SGCD: variants seen among roughly 807,000 people sequenced by gnomAD.
SGCD encodes sarcoglycan delta.
Under a neutral mutation model 36.6 loss-of-function variants are expected in SGCD, and 18 were observed. The ratio of observed to expected loss-of-function variants is 0.49; its 90% CI spans 0.34 to 0.73. SGCD has a LOEUF of 0.73. SGCD is among the 30% of genes least tolerant of loss of function. The pLI is 0.01. For synonymous variants in SGCD, 133 were observed against 130.6 expected, an observed-to-expected ratio of 1.02 and a Z score of -0.12; for missense variants, 387 against 346.7, an observed-to-expected ratio of 1.12 and a Z score of -0.92.
intron 1 of SGCD, among the ~76,000 whole-genome samples, chr5:156,008,919 A>G (rs1022670026): frequency 6.6e-6 from 1 of 152,180 alleles, no homozygotes; most frequent in African/African-American, 2.4e-5. Flanking sequence ...TGTTCAGTCT[A>G]TATTTATACA....
At chr5:156,738,235 T>G (rs556434375) in intron 7 of SGCD, among the ~76,000 whole-genome samples, 1 of 152,314 alleles carries the variant, frequency 6.6e-6, no homozygotes, top group East Asian at 1.9e-4. Context: ...TCTATCTCAC[T>G]TTAGAAAGAA....
At chr5:156,611,242 A>G (rs563459202) in intron 6 of SGCD, among the ~76,000 whole-genome samples, 1 of 152,226 alleles carries the variant, frequency 6.6e-6, no homozygotes, top group East Asian at 1.9e-4. Context: ...GTGTTTCATG[A>G]TAGTTGTTAT....
intron 6 of SGCD, among the ~76,000 whole-genome samples, chr5:156,638,536 C>T (rs73301125): frequency 0.031 from 4,700 of 152,256 alleles, 247 homozygotes; most frequent in African/African-American, 0.11. Context: ...GCTTTGTTTG[C>T]CTATACTATC....
At chr5:156,720,908 T>C (rs540660316) in intron 7 of SGCD, among the ~76,000 whole-genome samples, 3 of 152,212 alleles carry the variant, frequency 2.0e-5, no homozygotes, top group Admixed American at 6.5e-5. Context: ...CCAGGGAAGA[T>C]AGGATGGTGC....
intron 7 of SGCD, among the ~76,000 whole-genome samples, chr5:156,724,330 C>T (rs1452762091): frequency 3.9e-5 from 6 of 152,150 alleles, no homozygotes; most frequent in Admixed American, 1.3e-4. Context: ...GATACCCGGG[C>T]GTGGTGGCTC....
chr5:155,838,286 A>C, the SGCD span, among the ~76,000 whole-genome samples: 1 of 152,178 alleles, frequency 6.6e-6, no homozygotes, highest in Non-Finnish European at 1.5e-5. Flanking sequence ...TTTTAAACAA[A>C]TTAATTTGTT....
At chr5:156,458,518 C>G (rs1754351206) in intron 3 of SGCD, 1 of 1,505,346 alleles carries the variant, frequency 6.6e-7, no homozygotes, top group Non-Finnish European at 9.2e-7. Flanking sequence ...CTACAACAAA[C>G]CAGAATAGAC....
chr5:156,253,835 G>A (rs1417901536), intron 3 of SGCD, among the ~76,000 whole-genome samples: 1 of 152,038 alleles, frequency 6.6e-6, no homozygotes, highest in East Asian at 1.9e-4. Flanking sequence ...TTTATACTTG[G>A]ACAGTTTACT....
intron 1 of SGCD, among the ~76,000 whole-genome samples, chr5:156,028,783 G>T (rs992731534): frequency 1.3e-5 from 2 of 152,108 alleles, no homozygotes; most frequent in East Asian, 3.9e-4. Flanking sequence ...TGAATCACAA[G>T]ATAACAATTT....
chr5:156,752,975 A>G (rs1004722207), intron 7 of SGCD, among the ~76,000 whole-genome samples: 17 of 151,834 alleles, frequency 1.1e-4, no homozygotes, highest in Admixed American at 1.0e-3. Context: ...GTCATCACCT[A>G]TTTAGTCTTG....
At chr5:155,834,117 T>C in the SGCD span, among the ~76,000 whole-genome samples, 1 of 152,186 alleles carries the variant, frequency 6.6e-6, no homozygotes, top group Non-Finnish European at 1.5e-5. Flanking sequence ...ACTATCCTGC[T>C]CTGGTTATTA....
At chr5:156,656,985 T>C (rs1345313410) in intron 7 of SGCD, among the ~76,000 whole-genome samples, 1 of 152,172 alleles carries the variant, frequency 6.6e-6, no homozygotes, top group Non-Finnish European at 1.5e-5. Context: ...GTGTGTATCA[T>C]TGGGAAACAA....
At chr5:156,738,152 TC>T (rs1289003534) in intron 7 of SGCD, among the ~76,000 whole-genome samples, 5 of 152,180 alleles carry the variant, frequency 3.3e-5, no homozygotes, top group South Asian at 2.1e-4. Context: ...ACTTGAAAAA[TC>T]AGTACTCTAA....
At chr5:156,114,209 A>G (rs1484116709) in intron 1 of SGCD, among the ~76,000 whole-genome samples, 1 of 152,112 alleles carries the variant, frequency 6.6e-6, no homozygotes, top group African/African-American at 2.4e-5. Flanking sequence ...GTAGCACGCC[A>G]GTTGGTGGGT....
intron 1 of SGCD, among the ~76,000 whole-genome samples, chr5:156,090,735 C>T (rs182818529): frequency 2.6e-5 from 4 of 152,226 alleles, no homozygotes; most frequent in South Asian, 2.1e-4. Flanking sequence ...TTATCTCAAC[C>T]GCATAAGACA....
At chr5:156,298,637 G>A (rs900848294) in intron 3 of SGCD, among the ~76,000 whole-genome samples, 1 of 143,394 alleles carries the variant, frequency 7.0e-6, no homozygotes, top group Non-Finnish European at 1.5e-5. Context: ...TGGAGTGTTG[G>A]CCAGGCTGGT....
chr5:156,459,149 G>C (rs1009601015), intron 3 of SGCD, among the ~76,000 whole-genome samples: 1 of 152,052 alleles, frequency 6.6e-6, no homozygotes, highest in African/African-American at 2.4e-5. Flanking sequence ...TTTCCCTCCT[G>C]TCTTTGTCTT....
intron 1 of SGCD, among the ~76,000 whole-genome samples, chr5:155,899,546 T>A (rs1026364996): frequency 1.3e-5 from 2 of 152,212 alleles, no homozygotes; most frequent in Non-Finnish European, 2.9e-5. Flanking sequence ...AGAATGTGTT[T>A]CTTCCCATGT....
At chr5:156,401,645 C>T (rs1772152279) in intron 3 of SGCD, among the ~76,000 whole-genome samples, 1 of 152,142 alleles carries the variant, frequency 6.6e-6, no homozygotes, top group African/African-American at 2.4e-5. Flanking sequence ...GTGCCAGGCA[C>T]TGTGCAAGGT....
Sources: gnomAD v4.1 joint callset for allele counts (sites outside exome capture counted in the v4.1 genomes callset) on GRCh38, gnomAD v4.1.1 for gene constraint, MANE v1.5 for transcripts, NCBI Gene and HGNC (gene_info 2026-07-23, HGNC 2026-07-21) for gene names.